Variants in MARCHF10 observed in about 807,000 individuals in gnomAD.
MARCHF10 encodes the protein membrane associated ring-CH-type finger 10.
In MARCHF10, 64 loss-of-function variants were observed where a neutral mutation model predicts 76.2. That is an observed-to-expected ratio of 0.84 (90% CI 0.69 to 1.03). The LOEUF is 1.03. Among genes scored for constraint, MARCHF10 ranks in the 50% least tolerant of loss-of-function variants. MARCHF10 has a pLI of 0.00. For missense variants in MARCHF10, 875 were observed against 958.0 expected (o/e 0.91, Z 1.14); for synonymous variants, 340 against 357.5 (o/e 0.95, Z 0.55).
At chr17:62,803,611 C>G (rs2093114902) in intron 1 of MARCHF10, among the ~76,000 whole-genome samples, 1 of 152,058 alleles carries the variant, frequency 6.6e-6, no homozygotes, top group African/African-American at 2.4e-5. Context: ...CCTCCGCCTC[C>G]CAGGTTCCAG....
At chr17:62,796,452 A>G (rs1323180781) in intron 2 of MARCHF10, among the ~76,000 whole-genome samples, 1 of 152,244 alleles carries the variant, frequency 6.6e-6, no homozygotes, top group Non-Finnish European at 1.5e-5. Context: ...CATCTTAAAG[A>G]CAACCAGATT....
chr17:62,765,032 T>G (rs977249879), intron 3 of MARCHF10, among the ~76,000 whole-genome samples: 5 of 152,146 alleles, frequency 3.3e-5, no homozygotes, highest in African/African-American at 1.2e-4. Flanking sequence ...TACATGCCCT[T>G]GGTCTCCATT....
At chr17:62,745,078 C>T (rs1432518231) in intron 4 of MARCHF10, among the ~76,000 whole-genome samples, 1 of 149,714 alleles carries the variant, frequency 6.7e-6, no homozygotes, top group Non-Finnish European at 1.5e-5. Flanking sequence ...AGGGATCTTT[C>T]CTTTTGCTAA....
intron 2 of MARCHF10, among the ~76,000 whole-genome samples, chr17:62,798,597 C>T (rs752160313): frequency 6.6e-6 from 1 of 151,970 alleles, no homozygotes; most frequent in African/African-American, 2.4e-5. Context: ...GAGAGGAGAG[C>T]GGAGGTGATG....
intron 8 of MARCHF10, chr17:62,714,505 C>A: frequency 4.3e-6 from 3 of 700,820 alleles, no homozygotes; most frequent in Non-Finnish European, 5.3e-6. Context: ...AGGGCAAGAC[C>A]TGCATCTGTC....
chr17:62,743,630 G>A (rs895504675), intron 5 of MARCHF10, among the ~76,000 whole-genome samples: 14 of 152,210 alleles, frequency 9.2e-5, no homozygotes, highest in African/African-American at 3.4e-4. Flanking sequence ...GCAACAGAGG[G>A]AGACTCTACC....
chr17:62,787,363 A>G (rs2092763585), intron 3 of MARCHF10, among the ~76,000 whole-genome samples: 1 of 152,188 alleles, frequency 6.6e-6, no homozygotes, highest in Admixed American at 6.5e-5. Context: ...AACTTGATTG[A>G]TATCACGTAT....
Position 62,711,900 on chromosome 17 carries a change from A to G in MARCHF10, c.2215-556T>C, listed in dbSNP as rs1196048827. Among the ~76,000 whole-genome samples the G allele has an allele frequency of 6.6e-6, 1 of 152,080 alleles. No homozygotes were observed. The highest frequency in any genetic ancestry group is 1.5e-5 in the Non-Finnish European group (1 of 68,018). On this transcript the variant is annotated intron_variant, in intron 8 of 10. Transcript: ENST00000311269. The surrounding 1 kb of genome is among the most constrained non-coding windows in gnomAD (Gnocchi z 4.4). The stretch of plus-strand genomic sequence containing the variant: ...TCCCAGTCCCTAAGCATTCGTCTTG[A>G]TCTTGCATATCACCTTTTGCACTTG...
At chr17:62,728,061 A>G (rs944290168) in intron 6 of MARCHF10, among the ~76,000 whole-genome samples, 2 of 152,212 alleles carry the variant, frequency 1.3e-5, no homozygotes, top group African/African-American at 4.8e-5. Context: ...CTTGCTAGAG[A>G]CAGGTCTCAC....
At chr17:62,708,895 G>A (rs907262901) in intron 9 of MARCHF10, among the ~76,000 whole-genome samples, 18 of 152,168 alleles carry the variant, frequency 1.2e-4, no homozygotes, top group African/African-American at 4.1e-4. Context: ...AGTTGTTTAT[G>A]GGATTGCAGG....
intron 8 of MARCHF10, among the ~76,000 whole-genome samples, chr17:62,722,051 G>C (rs956819516): frequency 1.3e-5 from 2 of 152,098 alleles, no homozygotes; most frequent in African/African-American, 4.8e-5. Context: ...GGGAGGTGGA[G>C]GCAGACAGAT....
chr17:62,703,034 T>C (rs1238451662), intron 10 of MARCHF10, among the ~76,000 whole-genome samples: 1 of 152,194 alleles, frequency 6.6e-6, no homozygotes, highest in Admixed American at 6.5e-5. Flanking sequence ...GGGAAGTTAT[T>C]TGTGCCACTG....
At position 62,736,162 on chromosome 17, in the gene MARCHF10, T is replaced by C. The variant is rs1443284858; in HGVS notation, c.1706A>G (p.Asn569Ser). Reference sequence around the variant, plus strand: ...GCTGGAAGAATCCACTAAGGACAAATTGCCCTGTGGATTTAGTAAGAGATC... The same window carrying C: ...GCTGGAAGAATCCACTAAGGACAAACTGCCCTGTGGATTTAGTAAGAGATC... ...YTDLLLNPQG[N>S]LSLVDSSSSS... is the part of the protein sequence containing the mutation. Residue 569 changes from asparagine (N) to serine (S), a missense_variant, in exon 6 of 11, where the codon AAT becomes AGT. By Grantham distance (46) the Asn-to-Ser change is conservative. Transcript: ENST00000311269. 6.2e-7 allele frequency: 1 copy of C among 1,614,186 alleles called. No homozygotes were observed. Among genetic ancestry groups the C allele is most frequent in the Non-Finnish European group, 8.5e-7 (1 of 1,180,032 alleles).
intron 4 of MARCHF10, among the ~76,000 whole-genome samples, chr17:62,745,884 A>G (rs2091686774): frequency 1.3e-5 from 2 of 152,220 alleles, no homozygotes; most frequent in African/African-American, 2.4e-5. Context: ...AGGCAGTTAC[A>G]TCGTGAATAT....
In MARCHF10 at chr17:62,701,453, A is replaced by C. The variant is rs775256396; in HGVS notation, c.*250T>G. 3 of 843,320 alleles carry C rather than the reference A, an allele frequency of 3.6e-6. No individual in the cohort carries two copies. Among genetic ancestry groups the C allele is most frequent in the Non-Finnish European group, 5.2e-6 (3 of 573,902 alleles). The allele number at this position is 843,320 out of a possible 1,614,324, so 52.2% of individuals were successfully genotyped here. A position where few individuals can be genotyped will look rare whatever the true frequency, so the allele number is the denominator to read the frequency against. On this transcript the variant is annotated 3_prime_UTR_variant, in exon 11 of 11. Coordinates refer to ENST00000311269, the MANE Select transcript of MARCHF10 (RefSeq NM_152598.4). Reference sequence around the variant, plus strand: ...GCTTCTGGGCTAAGGGGGCAGCACCAGGCCAGCCTGCCAGGGGCTCCACAG... The same window carrying C: ...GCTTCTGGGCTAAGGGGGCAGCACCCGGCCAGCCTGCCAGGGGCTCCACAG...
At chr17:62,715,754 C>A (rs930926073) in intron 8 of MARCHF10, among the ~76,000 whole-genome samples, 9 of 152,176 alleles carry the variant, frequency 5.9e-5, no homozygotes, top group African/African-American at 1.9e-4. Context: ...TGTAGGAGTT[C>A]CTGATCTAGC....
chr17:62,749,928 G>A (rs1282154242), intron 4 of MARCHF10: 1 of 152,282 alleles, frequency 6.6e-6, no homozygotes. Flanking sequence ...TTCTGGGGGT[G>A]ACATTGCACA....
chr17:62,737,609 G>A, intron 5 of MARCHF10: 2 of 442,142 alleles, frequency 4.5e-6, no homozygotes, highest in Non-Finnish European at 8.0e-6. Context: ...GACTGGCCCA[G>A]CCCCAGCCAG....
chr17:62,721,946 T>C (rs1190669099), intron 8 of MARCHF10, among the ~76,000 whole-genome samples: 1 of 152,088 alleles, frequency 6.6e-6, no homozygotes, highest in Non-Finnish European at 1.5e-5. Flanking sequence ...CTTCTTACTT[T>C]TGTTCCCAAC....
Sources: allele counts gnomAD v4.1 joint callset (sites outside exome capture counted in the v4.1 genomes callset), GRCh38; gene constraint gnomAD v4.1.1; non-coding constraint Gnocchi (gnomAD v3.1); transcripts MANE v1.5; gene names NCBI Gene and HGNC (gene_info 2026-07-23, HGNC 2026-07-21).